ASXL2: variants seen among roughly 807,000 people sequenced by gnomAD.
ASXL2 encodes the protein putative Polycomb group protein ASXL2.
ASXL2 carries 23 observed loss-of-function variants against 122.0 expected under a neutral mutation model. The observed-to-expected ratio is 0.19, with a 90% confidence interval of 0.14 to 0.27. The LOEUF is 0.27. ASXL2 is among the 10% of genes least tolerant of loss of function. ASXL2 has a pLI of 1.00. For synonymous variants in ASXL2, 650 were observed against 637.0 expected, an observed-to-expected ratio of 1.02 and a Z score of -0.31; for missense variants, 1,518 against 1,713.8, an observed-to-expected ratio of 0.89 and a Z score of 2.02.
At chr2:25,765,211 G>A (rs540469635) in intron 8 of ASXL2, among the ~76,000 whole-genome samples, 1 of 152,018 alleles carries the variant, frequency 6.6e-6, no homozygotes, top group Non-Finnish European at 1.5e-5. Flanking sequence ...TGTGGCTGGG[G>A]GCGGTGGCTC....
intron 5 of ASXL2, among the ~76,000 whole-genome samples, chr2:25,773,476 T>C (rs1018217806): frequency 2.0e-4 from 30 of 151,568 alleles, no homozygotes; most frequent in South Asian, 1.3e-3. Context: ...CCATCCTGGC[T>C]AACACGGTGA....
chr2:25,765,341 CCGGGCGTGGTG>C (rs2088326498), intron 8 of ASXL2, among the ~76,000 whole-genome samples: 1 of 151,946 alleles, frequency 6.6e-6, no homozygotes, highest in Admixed American at 6.6e-5. Context: ...AAAAAATTAG[CCGGGCGTGGTG>C]GCGGGCACCT....
intron 12 of ASXL2, among the ~76,000 whole-genome samples, chr2:25,748,845 C>G (rs1217641759): frequency 2.0e-5 from 3 of 152,152 alleles, no homozygotes; most frequent in Non-Finnish European, 2.9e-5. Flanking sequence ...AAGATACTAC[C>G]TAGAAGAATT....
rs562603309 is a variant in ASXL2 at position 25,823,402 on chromosome 2, C to CTAT, written c.143+12133_143+12135dup. On this transcript the variant is annotated intron_variant, in intron 3 of 12. Transcript: ENST00000435504. The stretch of plus-strand genomic sequence containing the variant: ...TGGCTGACACCTTACTGGTAACCTG[C>CTAT]TATTCCTCTGGTGTTATCCTTCAGG... 2.5e-4 allele frequency among the ~76,000 whole-genome samples: 38 copies of CTAT among 152,282 alleles called. 1 individual carries two copies. In the East Asian group the frequency reaches 6.4e-3, roughly 25 times the overall value.
intron 1 of ASXL2, chr2:25,856,722 G>A (rs1267936384): frequency 3.3e-5 from 43 of 1,296,706 alleles, no homozygotes; most frequent in Non-Finnish European, 3.7e-5. Flanking sequence ...TTCAGTCACC[G>A]AGCCGATCTG....
intron 1 of ASXL2, chr2:25,856,862 G>T: frequency 1.2e-6 from 1 of 811,018 alleles, no homozygotes; most frequent in Non-Finnish European, 2.1e-6. Flanking sequence ...AGGTCCAAGT[G>T]GCCCAGTCAT....
At chr2:25,869,612 A>G (rs1343368304) in intron 1 of ASXL2, among the ~76,000 whole-genome samples, 1 of 152,058 alleles carries the variant, frequency 6.6e-6, no homozygotes, top group East Asian at 1.9e-4. Flanking sequence ...ACCTTAGGTC[A>G]GGAGTTCGAG....
chr2:25,786,239 C>A (rs2088742630), intron 5 of ASXL2, among the ~76,000 whole-genome samples: 2 of 51,008 alleles, frequency 3.9e-5, no homozygotes, highest in African/African-American at 1.1e-4. Flanking sequence ...TACTCCACAT[C>A]ATTCTTTTTT....
At chr2:25,841,131 A>G (rs570145442) in intron 2 of ASXL2, among the ~76,000 whole-genome samples, 11 of 152,232 alleles carry the variant, frequency 7.2e-5, no homozygotes, top group East Asian at 3.9e-4. Flanking sequence ...TTGCCTCTAC[A>G]AAAAATACGA....
rs2087899578 is a variant in ASXL2, at chr2:25,744,153, T to C, written c.2184A>G (p.Thr728=). The C allele has an allele frequency of 1.2e-6, 2 of 1,613,822 alleles. No individual in the cohort carries two copies. The highest frequency in any genetic ancestry group is 1.7e-5 in the Admixed American group (1 of 59,996). The stretch of plus-strand genomic sequence containing the variant: ...TGCTTCCAGTTCCTGCCAGTTCCAG[T>C]GTGGGGCCCTTTCCAGTTTCACTGA... The part of the protein sequence containing the change: ...DRVSETGKGP[T]LELAGTGSRG... The change falls in exon 13 of 13, where the codon ACA becomes ACG. Residue 728 remains threonine, a synonymous_variant. Transcript: ENST00000435504. The surrounding 1 kb of genome is among the most constrained non-coding windows in gnomAD (Gnocchi z 4.7).
At chr2:25,764,505 C>T (rs1001960974) in intron 8 of ASXL2, among the ~76,000 whole-genome samples, 6 of 152,144 alleles carry the variant, frequency 3.9e-5, no homozygotes, top group African/African-American at 1.2e-4. Flanking sequence ...TTGTGTTGAG[C>T]AGCATTCAAA....
At chr2:25,777,518 T>C (rs2088567386) in intron 5 of ASXL2, among the ~76,000 whole-genome samples, 1 of 151,898 alleles carries the variant, frequency 6.6e-6, no homozygotes, top group South Asian at 2.1e-4. Flanking sequence ...TGGCATAAAC[T>C]TGTAGTCCCA....
At chr2:25,847,482 T>G (rs548727413) in intron 1 of ASXL2, among the ~76,000 whole-genome samples, 2 of 152,324 alleles carry the variant, frequency 1.3e-5, no homozygotes, top group South Asian at 4.1e-4. Flanking sequence ...CCACTCACGT[T>G]TTGATGAAGC....
chr2:25,799,557 T>C (rs1165147946), intron 4 of ASXL2, 22 bp from the exon 5 acceptor site: 1 of 1,602,424 alleles, frequency 6.2e-7, no homozygotes. Context: ...GGCATCCAAT[T>C]AGGATTAATC....
chr2:25,787,148 C>G (rs535010592), intron 5 of ASXL2, among the ~76,000 whole-genome samples: 1 of 152,302 alleles, frequency 6.6e-6, no homozygotes, highest in East Asian at 1.9e-4. Flanking sequence ...GCCCCGAGTG[C>G]TGTTGTGTAT....
At chr2:25,824,098 T>G (rs563354414) in intron 3 of ASXL2, among the ~76,000 whole-genome samples, 8 of 145,508 alleles carry the variant, frequency 5.5e-5, no homozygotes, top group Non-Finnish European at 1.1e-4. Flanking sequence ...CTCTAAAATA[T>G]ATATAGCAAT....
chr2:25,849,410 G>C (rs902046645), intron 1 of ASXL2, among the ~76,000 whole-genome samples: 4 of 135,512 alleles, frequency 3.0e-5, no homozygotes, highest in African/African-American at 5.6e-5. Context: ...ACGAGACAGC[G>C]CCACGGTACT....
At chr2:25,854,351 T>C (rs2089752912) in intron 1 of ASXL2, among the ~76,000 whole-genome samples, 1 of 152,224 alleles carries the variant, frequency 6.6e-6, no homozygotes, top group African/African-American at 2.4e-5. Flanking sequence ...TTATTTAACC[T>C]TTACAATAAA....
At chr2:25,764,700 T>C (rs1242473613) in intron 8 of ASXL2, among the ~76,000 whole-genome samples, 1 of 152,240 alleles carries the variant, frequency 6.6e-6, no homozygotes, top group Non-Finnish European at 1.5e-5. Flanking sequence ...AATGCCTCTA[T>C]AAACTTTTGA....
Sources: gnomAD v4.1 joint callset for allele counts (sites outside exome capture counted in the v4.1 genomes callset) on GRCh38, gnomAD v4.1.1 for gene constraint, Gnocchi (gnomAD v3.1) non-coding constraint, MANE v1.5 for transcripts, NCBI Gene and HGNC (gene_info 2026-07-23, HGNC 2026-07-21) for gene names.